The following FOXP2 variants were observed in gnomAD, a reference collection of about 807,000 sequenced individuals.
FOXP2 encodes forkhead box P2.
In FOXP2, 12 loss-of-function variants were observed where a neutral mutation model predicts 115.8. That is an observed-to-expected ratio of 0.10 (90% CI 0.07 to 0.17). The LOEUF is 0.17. Ranked by LOEUF, FOXP2 falls within the 10% of genes least tolerant of loss-of-function variation. The pLI is 1.00. For synonymous variants in FOXP2, 328 were observed against 297.7 expected, an observed-to-expected ratio of 1.10 and a Z score of -1.05; for missense variants, 629 against 843.5, an observed-to-expected ratio of 0.75 and a Z score of 3.15.
At chr7:114,322,405 C>A (rs879660323) in intron 2 of FOXP2, among the ~76,000 whole-genome samples, 1 of 151,356 alleles carries the variant, frequency 6.6e-6, no homozygotes, top group Non-Finnish European at 1.5e-5. Flanking sequence ...AGTCCCTGCA[C>A]TTTGGGAGGC....
At chr7:114,483,857 G>C (rs1192590389) in intron 2 of FOXP2, among the ~76,000 whole-genome samples, 1 of 151,628 alleles carries the variant, frequency 6.6e-6, no homozygotes, top group African/African-American at 2.4e-5. Context: ...AATTAGATGT[G>C]CATTTTAAAG....
intron 3 of FOXP2, among the ~76,000 whole-genome samples, chr7:114,574,996 C>G (rs1801502714): frequency 6.6e-6 from 1 of 151,822 alleles, no homozygotes. Flanking sequence ...AATGGGGATG[C>G]TGGGTTGGAA....
intron 16 of FOXP2, among the ~76,000 whole-genome samples, chr7:114,689,244 G>A (rs895404670): frequency 6.6e-6 from 1 of 151,852 alleles, no homozygotes; most frequent in Non-Finnish European, 1.5e-5. Flanking sequence ...TAATGAAGAC[G>A]CTTTAGCCCC....
In FOXP2 at chr7:114,134,452, G is replaced by A. The variant is rs554298845; in HGVS notation, c.-246-28492G>A. ...CTATCTTAAGAAATGCTATTTGTAC[G>A]CCTGTAATCCCAGCACTTTGGGAGG... On this transcript the variant is annotated intron_variant, in intron 1 of 19. Coordinates refer to the FOXP2 transcript ENST00000635638. Among the ~76,000 whole-genome samples, 16 of 152,126 alleles carry A rather than the reference G, an allele frequency of 1.1e-4. No homozygotes were observed. The East Asian group carries it at 1.7e-3, about 17-fold the overall frequency.
intron 1 of FOXP2, among the ~76,000 whole-genome samples, chr7:114,197,408 A>T (rs1793941597): frequency 1.3e-5 from 2 of 152,312 alleles, no homozygotes; most frequent in Non-Finnish European, 2.9e-5. Flanking sequence ...AGGGAGAGAG[A>T]GAAATAAAGA....
intron 3 of FOXP2, among the ~76,000 whole-genome samples, chr7:114,539,819 AC>A (rs538321890): frequency 6.6e-6 from 1 of 152,016 alleles, no homozygotes; most frequent in Non-Finnish European, 1.5e-5. Flanking sequence ...TGGAAAACTT[AC>A]CATATGATCT....
At chr7:114,395,273 T>C (rs149447767) in intron 2 of FOXP2, among the ~76,000 whole-genome samples, 4 of 152,286 alleles carry the variant, frequency 2.6e-5, no homozygotes, top group African/African-American at 7.2e-5. Context: ...CTTGAGTGGG[T>C]CAACCCAAAA....
chr7:114,585,694 G>C (rs189751701), intron 3 of FOXP2, among the ~76,000 whole-genome samples: 6 of 151,824 alleles, frequency 4.0e-5, no homozygotes, highest in Admixed American at 3.3e-4. Flanking sequence ...ATGAAACCCC[G>C]TCTCTACCAA....
intron 2 of FOXP2, among the ~76,000 whole-genome samples, chr7:114,338,901 T>C (rs1791123139): frequency 1.3e-5 from 2 of 151,194 alleles, no homozygotes; most frequent in Non-Finnish European, 3.0e-5. Flanking sequence ...ATGATGTTTC[T>C]ATAATATAGC....
At chr7:114,677,180 A>AAAAAAAAAAAAAAAAAC (rs1554443474) in intron 16 of FOXP2, among the ~76,000 whole-genome samples, 1 of 147,940 alleles carries the variant, frequency 6.8e-6, no homozygotes. Flanking sequence ...AACAAAAAAA[A>AAAAAAAAAAAAAAAAAC]AAAAAACAAA....
At chr7:114,211,795 G>A (rs1584548714) in intron 1 of FOXP2, among the ~76,000 whole-genome samples, 1 of 152,024 alleles carries the variant, frequency 6.6e-6, no homozygotes, top group African/African-American at 2.4e-5. Flanking sequence ...TGTTTCTGCC[G>A]GGCACGATGG....
rs146560209 is a variant in FOXP2, at chr7:114,491,870, C to T, written c.169-42747C>T. 4.4e-3 allele frequency among the ~76,000 whole-genome samples: 672 copies of T among 152,194 alleles called. 9 individuals are homozygous for T. The highest frequency in any genetic ancestry group is 0.015 in the African/African-American group (631 of 41,530). On this transcript the variant is annotated intron_variant, in intron 2 of 16. Coordinates refer to ENST00000350908, the MANE Select transcript of FOXP2 (RefSeq NM_014491.4). ...TCATCAGGGATATTGGTCTAAAAGTCTCTTTTTTTGTTGTATCTCTGCCAG... is the reference window on the plus strand; with the variant it reads ...TCATCAGGGATATTGGTCTAAAAGTTTCTTTTTTTGTTGTATCTCTGCCAG...
chr7:114,662,691 A>T (rs1806934779), intron 14 of FOXP2, among the ~76,000 whole-genome samples: 1 of 151,998 alleles, frequency 6.6e-6, no homozygotes, highest in African/African-American at 2.4e-5. Context: ...CCTTGCTTTT[A>T]CTCCAACTGT....
chr7:114,442,065 T>A (rs1253115564), intron 2 of FOXP2, among the ~76,000 whole-genome samples: 1 of 152,156 alleles, frequency 6.6e-6, no homozygotes, highest in Non-Finnish European at 1.5e-5. Context: ...TATAGCAGCA[T>A]TACTTATAAT....
At chr7:114,240,858 A>G (rs1795133950) in intron 1 of FOXP2, among the ~76,000 whole-genome samples, 1 of 152,020 alleles carries the variant, frequency 6.6e-6, no homozygotes, top group East Asian at 1.9e-4. Context: ...ATGAATAGTT[A>G]TATCACTGTT....
chr7:114,521,467 A>C (rs1798620913), intron 2 of FOXP2, among the ~76,000 whole-genome samples: 1 of 141,292 alleles, frequency 7.1e-6, no homozygotes. Context: ...CAGGAGTTCT[A>C]GGTTACAGTG....
At chr7:114,609,712 A>C (rs1167807747) in intron 3 of FOXP2, among the ~76,000 whole-genome samples, 2 of 152,108 alleles carry the variant, frequency 1.3e-5, no homozygotes, top group African/African-American at 4.8e-5. Context: ...CCACTGGTGC[A>C]TCTTTGTCTT....
chr7:114,184,419 A>G (rs1793540638), intron 1 of FOXP2, among the ~76,000 whole-genome samples: 1 of 152,178 alleles, frequency 6.6e-6, no homozygotes, highest in Non-Finnish European at 1.5e-5. Context: ...AAGATATGAA[A>G]TTATTTACTT....
chr7:114,098,197 GT>G (rs1446247022), intron 1 of FOXP2, among the ~76,000 whole-genome samples: 2 of 152,136 alleles, frequency 1.3e-5, no homozygotes, highest in East Asian at 3.9e-4. Context: ...CCAGGGGTTT[GT>G]TTTTTTAGGG....
Sources: allele counts gnomAD v4.1 joint callset (sites outside exome capture counted in the v4.1 genomes callset), GRCh38; gene constraint gnomAD v4.1.1; transcripts MANE v1.5; gene names NCBI Gene and HGNC (gene_info 2026-07-23, HGNC 2026-07-21).